Variants in TTLL8 observed in about 807,000 individuals in gnomAD.
TTLL8 encodes protein monoglycylase TTLL8.
TTLL8 carries 65 observed loss-of-function variants against 77.8 expected under a neutral mutation model. The observed-to-expected ratio is 0.84, with a 90% CI of 0.68 to 1.03. The LOEUF (loss-of-function observed/expected upper bound fraction) is 1.03, where lower values mean the gene tolerates loss of function less well. Ranked by LOEUF, TTLL8 falls within the 50% of genes least tolerant of loss-of-function variation. The pLI is 0.00. For synonymous variants in TTLL8, 402 were observed against 422.8 expected (o/e 0.95, Z 0.60); for missense variants, 910 against 1,004.5 (o/e 0.91, Z 1.27).
intron 3 of TTLL8, among the ~76,000 whole-genome samples, chr22:50,048,115 AGTGTGTGTGTGT>A (rs34500180): frequency 1.6e-4 from 23 of 145,640 alleles, no homozygotes; most frequent in East Asian, 2.0e-4. Flanking sequence ...CCCCCAAAAA[AGTGTGTGTGTGT>A]GTGTGTGTGT....
intron 12 of TTLL8, among the ~76,000 whole-genome samples, chr22:50,021,737 C>T (rs1235103579): frequency 6.8e-6 from 1 of 147,324 alleles, no homozygotes; most frequent in Non-Finnish European, 1.5e-5. Flanking sequence ...CTGACGTGCA[C>T]TCCTCCATCT....
chr22:50,049,140 G>A lies in TTLL8; in HGVS notation c.264+109C>T, dbSNP rs1338145017. 1.4e-5 allele frequency: 18 copies of A among 1,324,022 alleles called. No individual in the cohort carries two copies. The Admixed American group carries it at 1.6e-4, about 12-fold the overall frequency. The allele number at this position is 1,324,022 out of a possible 1,614,324, so 82.0% of individuals were successfully genotyped here. On this transcript the variant is annotated intron_variant, in intron 3 of 13. Transcript: ENST00000266182. ...CTGCTGTGACTGGGGCTTTGCCCTC[G>A]CCGGGCTGCCATCCCCCCAGGACAT...
intron 12 of TTLL8, among the ~76,000 whole-genome samples, chr22:50,023,988 C>G (rs1168248552): frequency 6.6e-6 from 1 of 152,106 alleles, no homozygotes; most frequent in Non-Finnish European, 1.5e-5. Context: ...TCACTGCACT[C>G]CAGCCCGGGC....
intron 12 of TTLL8, among the ~76,000 whole-genome samples, chr22:50,022,769 T>C (rs1010234491): frequency 2.0e-5 from 3 of 152,344 alleles, no homozygotes; most frequent in Non-Finnish European, 4.4e-5. Context: ...ACAAAAGGCA[T>C]AAAGATCATA....
At chr22:50,024,630 T>C (rs1193720425) in intron 12 of TTLL8, among the ~76,000 whole-genome samples, 1 of 152,196 alleles carries the variant, frequency 6.6e-6, no homozygotes, top group Non-Finnish European at 1.5e-5. Context: ...ACGTTTTATT[T>C]AGGAAGCAAG....
Position 50,041,707 on chromosome 22 carries a change from C to G in TTLL8, c.744G>C (p.Glu248Asp). Residue 248 changes from glutamate to aspartate, a missense_variant, in exon 7 of 14, where the codon GAG becomes GAC. Physicochemically the swap from Glu to Asp is conservative, Grantham distance 45. Transcript: ENST00000266182. This position sits in a 1 kb window ranked among gnomAD's most constrained non-coding sequence, Gnocchi z 4.3. ...CGGCATCTGCTGACGTGTCGATGTC[C>G]TCATGCTCCAGCTGCCCCAGGTAGG... 1 of 1,366,878 alleles carries G rather than the reference C, an allele frequency of 7.3e-7. No individual in the cohort carries two copies. Among genetic ancestry groups the G allele is most frequent in the South Asian group, 1.1e-5 (1 of 87,824 alleles). The allele number at this position is 1,366,878 out of a possible 1,614,324, so 84.7% of individuals were successfully genotyped here.
At chr22:50,030,919 C>T in exon 12 of TTLL8, 5 of 1,319,288 alleles carry the variant, frequency 3.8e-6, no homozygotes, top group Admixed American at 2.1e-5. Context: ...GGCGGCTCAA[C>T]CACCGGCTGT....
upstream of TTLL8, among the ~76,000 whole-genome samples, chr22:50,055,655 CAAAA>C (rs144375344): frequency 1.4e-4 from 15 of 110,492 alleles, no homozygotes; most frequent in Admixed American, 4.5e-4. Flanking sequence ...AACTCTGTCT[CAAAA>C]AAAAAAAAAA....
intron 4 of TTLL8, 141 bp downstream of exon 6, chr22:50,047,027 G>C: frequency 8.6e-7 from 1 of 1,165,816 alleles, no homozygotes; most frequent in Non-Finnish European, 1.1e-6. Flanking sequence ...TTCTGGCCAC[G>C]GCCTTAGACC....
At chr22:50,029,920 G>A (rs2061274123) in intron 12 of TTLL8, among the ~76,000 whole-genome samples, 1 of 151,898 alleles carries the variant, frequency 6.6e-6, no homozygotes, top group Non-Finnish European at 1.5e-5. Context: ...GCAGCCTGTG[G>A]CAGCCCCTGA....
chr22:50,051,396 G>A (rs1046036507), intron 1 of TTLL8, among the ~76,000 whole-genome samples: 7 of 152,220 alleles, frequency 4.6e-5, no homozygotes, highest in Non-Finnish European at 7.3e-5. Context: ...GCAGTATTCC[G>A]TGGTGCAGAT....
chr22:50,034,199 T>A lies in TTLL8; in HGVS notation c.1039+146A>T. On this transcript the variant is annotated intron_variant, in intron 9 of 13. Transcript: ENST00000266182. This position sits in a 1 kb window ranked among gnomAD's most constrained non-coding sequence, Gnocchi z 4.1. ...CTCCAGCTCTGCTCCAGCGCCTGAG[T>A]CCTGACCCCCACGCCTGCCTCGGCG... 1 of 1,062,886 alleles carries A rather than the reference T, an allele frequency of 9.4e-7. No individual in the cohort carries two copies. Among genetic ancestry groups the A allele is most frequent in the Non-Finnish European group, 1.2e-6 (1 of 824,384 alleles). 65.8% of individuals were successfully genotyped at this position (1,062,886 alleles called of 1,614,324 possible).
chr22:50,048,762 G>A lies in TTLL8; in HGVS notation c.264+487C>T, dbSNP rs145849189. ...TTTGATCTTTTAAATTTTAAGTACT[G>A]CAAATGCCGCCTCCCACCCTGGTTT... On this transcript the variant is annotated intron_variant, in intron 3 of 13. Transcript: ENST00000266182. Among the ~76,000 whole-genome samples, 1,267 of 152,302 alleles carry A rather than the reference G, an allele frequency of 8.3e-3. 8 individuals are homozygous for A. The highest frequency in any genetic ancestry group is 0.014 in the Non-Finnish European group (938 of 68,030).
At chr22:50,057,908 G>A (rs2061493247), upstream of TTLL8, among the ~76,000 whole-genome samples, 1 of 151,924 alleles carries the variant, frequency 6.6e-6, no homozygotes. Flanking sequence ...GGCTTTCGAG[G>A]GCGGGCGAGT....
chr22:50,041,817 A>G lies in TTLL8; in HGVS notation c.644-10T>C. 1 of 1,357,652 alleles carries G rather than the reference A, an allele frequency of 7.4e-7. No individual in the cohort carries two copies. The highest frequency in any genetic ancestry group is 9.8e-7 in the Non-Finnish European group (1 of 1,018,468). 84.1% of individuals were successfully genotyped at this position (1,357,652 alleles called of 1,614,324 possible). ...TCAGCATTTTCAGCATCTGAAACCC[A>G]GACACAGGCACATGCAGTGGGAACC... On this transcript the variant is annotated splice_polypyrimidine_tract_variant and intron_variant, in intron 6 of 13. Transcript: ENST00000266182. The surrounding 1 kb of genome is among the most constrained non-coding windows in gnomAD (Gnocchi z 4.3).
At chr22:50,022,391 T>C (rs908364742) in intron 12 of TTLL8, among the ~76,000 whole-genome samples, 7 of 146,168 alleles carry the variant, frequency 4.8e-5, no homozygotes, top group Admixed American at 6.8e-5. Context: ...TCTGACAATG[T>C]GTACTCCTCC....
intron 12 of TTLL8, among the ~76,000 whole-genome samples, chr22:50,024,149 G>GT (rs1424835659): frequency 6.6e-6 from 1 of 152,158 alleles, no homozygotes; most frequent in East Asian, 1.9e-4. Context: ...TTTGTGTTTT[G>GT]TTTTTGAGGT....
rs913173767 is a variant in TTLL8, at chr22:50,050,940, G to A, written c.52-693C>T. Reference sequence around the variant, plus strand: ...AAGACGCGAGTCTGCTGACACTCCCGGCCGAATGAAAACCTCTTCCTTCTT... The same window carrying A: ...AAGACGCGAGTCTGCTGACACTCCCAGCCGAATGAAAACCTCTTCCTTCTT... On this transcript the variant is annotated intron_variant, in intron 1 of 13. Coordinates refer to ENST00000266182, the Ensembl canonical transcript of TTLL8. 4.6e-5 allele frequency among the ~76,000 whole-genome samples: 7 copies of A among 152,252 alleles called. No individual in the cohort carries two copies. In the South Asian group the frequency reaches 6.2e-4, roughly 14 times the overall value.
Position 50,034,337 on chromosome 22 carries a change from A to G in TTLL8, c.1039+8T>C, listed in dbSNP as rs754834797. On this transcript the variant is annotated splice_region_variant and intron_variant, in intron 9 of 13. Transcript: ENST00000266182. The surrounding 1 kb of genome is among the most constrained non-coding windows in gnomAD (Gnocchi z 4.1). ...TGGCTATGAACGCGGTGCAGGGAGCATCCGCACCAGGGGACTCACCTCGGC... is the reference window on the plus strand; with the variant it reads ...TGGCTATGAACGCGGTGCAGGGAGCGTCCGCACCAGGGGACTCACCTCGGC... 3 of 1,363,954 alleles carry G rather than the reference A, an allele frequency of 2.2e-6. No individual in the cohort carries two copies. The highest frequency in any genetic ancestry group is 2.9e-6 in the Non-Finnish European group (3 of 1,021,030). 84.5% of individuals were successfully genotyped at this position (1,363,954 alleles called of 1,614,324 possible).
Sources: gnomAD v4.1 joint callset for allele counts (sites outside exome capture counted in the v4.1 genomes callset) on GRCh38, gnomAD v4.1.1 for gene constraint, Gnocchi (gnomAD v3.1) non-coding constraint, MANE v1.5 for transcripts, NCBI Gene and HGNC (gene_info 2026-07-23, HGNC 2026-07-21) for gene names.